HERC1: variants seen among roughly 807,000 people sequenced by gnomAD.
HERC1 encodes probable E3 ubiquitin-protein ligase HERC1.
A neutral mutation model predicts 554.3 loss-of-function variants in HERC1; 160 were observed. That is an observed-to-expected ratio of 0.29 (90% CI 0.25 to 0.33). HERC1 has a LOEUF of 0.33. Ranked by LOEUF, HERC1 falls within the 10% of genes least tolerant of loss-of-function variation. HERC1 has a pLI of 1.00. For synonymous variants in HERC1, 2,175 were observed against 2,131.7 expected, an observed-to-expected ratio of 1.02 and a Z score of -0.56; for missense variants, 4,919 against 5,918.5, an observed-to-expected ratio of 0.83 and a Z score of 5.54.
intron 1 of HERC1, among the ~76,000 whole-genome samples, chr15:63,785,884 T>C (rs2076424209): frequency 6.6e-6 from 1 of 152,148 alleles, no homozygotes; most frequent in South Asian, 2.1e-4. Flanking sequence ...TCTTTTTCTT[T>C]TTTAGAGACA....
rs780088134 is a variant in HERC1, at chr15:63,660,084, C to T, written c.9224-148G>A. 1.3e-4 allele frequency: 89 copies of T among 686,900 alleles called. 1 individual carries two copies. The highest frequency in any genetic ancestry group is 8.2e-4 in the Middle Eastern group (2 of 2,442). The allele number at this position is 686,900 out of a possible 1,614,324, so 42.6% of individuals were successfully genotyped here. On this transcript the variant is annotated intron_variant, in intron 46 of 77. Transcript: ENST00000443617. The stretch of plus-strand genomic sequence containing the variant: ...CTGTAATCCCAACACTCTGGGAGGC[C>T]GAGGCGACTGGATCACATGAGGTCA...
chr15:63,714,546 T>G (rs927641456), intron 22 of HERC1, among the ~76,000 whole-genome samples: 6 of 17,942 alleles, frequency 3.3e-4, no homozygotes, highest in African/African-American at 8.3e-4. Context: ...CCTTTTTCTG[T>G]TTTTTTTTTT....
chr15:63,688,094 G>T (rs540621634), intron 33 of HERC1, among the ~76,000 whole-genome samples: 9 of 152,246 alleles, frequency 5.9e-5, no homozygotes, highest in African/African-American at 1.7e-4. Flanking sequence ...TGGACTTTAG[G>T]GCATAACAAT....
chr15:63,665,508 C>T (rs1481496853), intron 42 of HERC1, among the ~76,000 whole-genome samples: 1 of 152,118 alleles, frequency 6.6e-6, no homozygotes, highest in East Asian at 1.9e-4. Context: ...GCACTCCAGC[C>T]TGGCGACAGA....
intron 7 of HERC1, 23 bp from the exon 8 acceptor site, chr15:63,753,108 C>CG (rs747093785): frequency 6.5e-7 from 1 of 1,543,264 alleles, no homozygotes; most frequent in Non-Finnish European, 8.8e-7. Flanking sequence ...ACACATTAAA[C>CG]AATTTACTTG....
rs2071422438 is a variant in HERC1 at position 63,680,475 on chromosome 15, T to C, written c.6465+62A>G. On this transcript the variant is annotated intron_variant, in intron 35 of 77. Transcript: ENST00000443617. This position sits in a 1 kb window ranked among gnomAD's most constrained non-coding sequence, Gnocchi z 5.8. ...ATAAACTGAATACGTGGCACTTGAA[T>C]AACCGAGTTGACTATAAATAGAAAC... 1.9e-6 allele frequency: 3 copies of C among 1,557,742 alleles called. No individual in the cohort carries two copies. Among genetic ancestry groups the C allele is most frequent in the South Asian group, 1.2e-5 (1 of 84,266 alleles).
At chr15:63,648,425 T>A (rs904428262) in intron 54 of HERC1, among the ~76,000 whole-genome samples, 1 of 152,252 alleles carries the variant, frequency 6.6e-6, no homozygotes, top group South Asian at 2.1e-4. Flanking sequence ...TACTTTATAA[T>A]CTTTCATTCT....
intron 24 of HERC1, among the ~76,000 whole-genome samples, chr15:63,707,282 C>T (rs2073055323): frequency 1.3e-5 from 2 of 152,216 alleles, no homozygotes; most frequent in African/African-American, 4.8e-5. Context: ...ATCTGATAGT[C>T]TCCGTACTAA....
chr15:63,798,494 T>C (rs1462062796), intron 1 of HERC1, among the ~76,000 whole-genome samples: 4 of 148,942 alleles, frequency 2.7e-5, no homozygotes, highest in African/African-American at 1.0e-4. Flanking sequence ...ACTGCTTCTA[T>C]CCTCTTCTCC....
rs374074455 is a variant in HERC1 at position 63,613,008 on chromosome 15, AATT to A, written c.14095-455_14095-453del. 7.2e-4 allele frequency among the ~76,000 whole-genome samples: 110 copies of A among 152,316 alleles called. 1 individual carries two copies. In the East Asian group the frequency reaches 0.016, roughly 22 times the overall value. On this transcript the variant is annotated intron_variant, in intron 76 of 77. Transcript: ENST00000443617. Reference sequence around the variant, plus strand: ...AAATTTATATTTGTCTTTTGAAAATAATTATATCCTTTTTGTAAAAATTATTTG... The same window carrying A: ...AAATTTATATTTGTCTTTTGAAAATAATATCCTTTTTGTAAAAATTATTTG...
intron 19 of HERC1, among the ~76,000 whole-genome samples, chr15:63,720,102 C>CTTTTTTTTTTTTTTTTTTTTTTTT (rs1214451219): frequency 4.8e-5 from 1 of 20,960 alleles, no homozygotes; most frequent in Non-Finnish European, 1.4e-4. Flanking sequence ...CTTTTTCTTC[C>CTTTTTTTTTTTTTTTTTTTTTTTT]CTTTTTTTTT....
chr15:63,681,969 G>C (rs917314699), intron 34 of HERC1, among the ~76,000 whole-genome samples: 1 of 152,170 alleles, frequency 6.6e-6, no homozygotes, highest in African/African-American at 2.4e-5. Flanking sequence ...GTGTATCAAC[G>C]TGTGGAGTCT....
intron 2 of HERC1, 96 bp from the exon 3 acceptor site, chr15:63,764,287 G>C: frequency 1.3e-6 from 1 of 775,910 alleles, no homozygotes; most frequent in Non-Finnish European, 2.2e-6. Flanking sequence ...CCTATTTGAA[G>C]ACCTGTTTAT....
intron 76 of HERC1, among the ~76,000 whole-genome samples, chr15:63,613,436 ACTGTT>A (rs2067687121): frequency 6.6e-6 from 1 of 152,080 alleles, no homozygotes; most frequent in Non-Finnish European, 1.5e-5. Context: ...CAGACTCACC[ACTGTT>A]CAAGGTTTGT....
chr15:63,666,471 G>C lies in HERC1; in HGVS notation c.8208C>G (p.Ala2736=). The C allele has an allele frequency of 6.3e-7, 1 of 1,585,462 alleles. No individual in the cohort carries two copies. Among genetic ancestry groups the C allele is most frequent in the Non-Finnish European group, 8.6e-7 (1 of 1,161,234 alleles). ...SQSARPANRT[A]LSDPSSRLST... ...AAAGTCTACTGCTTGGGTCTGACAA[G>C]GCTGAGACAAAAGGAAGAGAAATAA... Residue 2736 remains alanine (A), a splice_region_variant and synonymous_variant, in exon 41 of 78, where the codon GCC becomes GCG. Transcript: ENST00000443617.
chr15:63,788,853 T>C (rs2076536664), intron 1 of HERC1, among the ~76,000 whole-genome samples: 2 of 126,928 alleles, frequency 1.6e-5, no homozygotes, highest in African/African-American at 6.1e-5. Context: ...CCAGCCTGGG[T>C]AACAGAGCAA....
intron 1 of HERC1, among the ~76,000 whole-genome samples, chr15:63,778,834 G>T (rs1217672314): frequency 6.6e-6 from 1 of 152,090 alleles, no homozygotes; most frequent in Non-Finnish European, 1.5e-5. Context: ...AAAGCAAAGT[G>T]TAAGTTAACA....
intron 24 of HERC1, among the ~76,000 whole-genome samples, chr15:63,709,312 A>G (rs966679665): frequency 3.9e-5 from 6 of 152,030 alleles, no homozygotes; most frequent in Non-Finnish European, 8.8e-5. Flanking sequence ...GCCTGGCCCA[A>G]TCTTTTTTAA....
chr15:63,728,775 T>C (rs1321296759), intron 16 of HERC1, among the ~76,000 whole-genome samples: 1 of 151,708 alleles, frequency 6.6e-6, no homozygotes, highest in African/African-American at 2.4e-5. Flanking sequence ...TTAGAGGGCA[T>C]GTCCAAGGAA....
Sources: gnomAD v4.1 joint callset for allele counts (sites outside exome capture counted in the v4.1 genomes callset) on GRCh38, gnomAD v4.1.1 for gene constraint, Gnocchi (gnomAD v3.1) non-coding constraint, MANE v1.5 for transcripts, NCBI Gene and HGNC (gene_info 2026-07-23, HGNC 2026-07-21) for gene names.